Variants in LRP1B observed in about 807,000 individuals in gnomAD.
The protein encoded by LRP1B is low-density lipoprotein receptor-related protein 1B.
In LRP1B, 217 loss-of-function variants were observed where a neutral mutation model predicts 556.6. The observed-to-expected ratio is 0.39, with a 90% CI of 0.35 to 0.44. The LOEUF is 0.44. LRP1B is among the 20% of genes least tolerant of loss of function. The pLI, the probability that LRP1B is intolerant of heterozygous loss-of-function variation, is 1.00. For synonymous variants in LRP1B, 2,047 were observed against 1,865.8 expected (o/e 1.10, Z -2.50); for missense variants, 5,053 against 5,620.8 (o/e 0.90, Z 3.23).
At chr2:142,021,052 T>C (rs935980963) in intron 1 of LRP1B, among the ~76,000 whole-genome samples, 1 of 152,214 alleles carries the variant, frequency 6.6e-6, no homozygotes, top group African/African-American at 2.4e-5. Flanking sequence ...GATAATATTA[T>C]AATGCTAGCC....
chr2:140,525,360 C>A (rs926724373), intron 49 of LRP1B, among the ~76,000 whole-genome samples: 7 of 151,756 alleles, frequency 4.6e-5, no homozygotes, highest in African/African-American at 1.7e-4. Context: ...GGTTAACAGT[C>A]AGATATAAAT....
intron 2 of LRP1B, among the ~76,000 whole-genome samples, chr2:141,787,867 T>A (rs1442821394): frequency 6.6e-6 from 1 of 152,000 alleles, no homozygotes; most frequent in Admixed American, 6.6e-5. Context: ...GCCTTTCTCA[T>A]TAAAATCTTT....
chr2:140,501,628 C>A, intron 55 of LRP1B, 59 bp downstream of exon 55: 2 of 1,272,200 alleles, frequency 1.6e-6, no homozygotes, highest in Non-Finnish European at 1.1e-6. Context: ...GATTAAATAG[C>A]TTTCTTAACC....
At chr2:141,938,197 C>T (rs906523082) in intron 1 of LRP1B, among the ~76,000 whole-genome samples, 3 of 152,000 alleles carry the variant, frequency 2.0e-5, no homozygotes, top group Admixed American at 1.3e-4. Flanking sequence ...TATTTGCAAA[C>T]CATATATCTA....
intron 1 of LRP1B, among the ~76,000 whole-genome samples, chr2:141,968,036 G>C (rs1190701620): frequency 6.6e-6 from 1 of 151,816 alleles, no homozygotes; most frequent in East Asian, 1.9e-4. Context: ...CTGTCAGTCA[G>C]TGGATTATAA....
chr2:141,946,088 C>T (rs1218930669), intron 1 of LRP1B, among the ~76,000 whole-genome samples: 1 of 152,020 alleles, frequency 6.6e-6, no homozygotes, highest in Non-Finnish European at 1.5e-5. Context: ...ACTAGCCCAC[C>T]GTTGTGGCTG....
chr2:140,973,335 T>C (rs1696493193), intron 18 of LRP1B, among the ~76,000 whole-genome samples: 1 of 151,830 alleles, frequency 6.6e-6, no homozygotes, highest in Admixed American at 6.6e-5. Flanking sequence ...AATCTTTGAA[T>C]TTACACAAAA....
chr2:140,914,911 CTT>C (rs1322376720), intron 21 of LRP1B, among the ~76,000 whole-genome samples: 1 of 152,058 alleles, frequency 6.6e-6, no homozygotes, highest in African/African-American at 2.4e-5. Context: ...TCTAGGCACT[CTT>C]TGTACATTCT....
At chr2:141,052,070 T>A (rs956029153) in intron 10 of LRP1B, among the ~76,000 whole-genome samples, 9 of 151,974 alleles carry the variant, frequency 5.9e-5, no homozygotes, top group Admixed American at 4.6e-4. Context: ...TTCCAAATGG[T>A]TTTCTGTTTT....
chr2:140,585,624 T>C (rs932577148), intron 43 of LRP1B, among the ~76,000 whole-genome samples: 7 of 152,160 alleles, frequency 4.6e-5, no homozygotes, highest in Non-Finnish European at 2.9e-5. Flanking sequence ...GATCACACAG[T>C]TTTTTTGAAC....
At chr2:141,783,943 G>A (rs1232415933) in intron 2 of LRP1B, among the ~76,000 whole-genome samples, 3 of 151,684 alleles carry the variant, frequency 2.0e-5, no homozygotes, top group East Asian at 3.9e-4. Flanking sequence ...TTTCATTAAT[G>A]GGCTTGTTTA....
Position 140,850,200 on chromosome 2 carries a change from TC to T in LRP1B, c.4840del (p.Asp1614MetfsTer27). ...DIDDVTVIDFDASEERLYWTD... is the reference protein window; with the variant it reads ...DIDDVTVIDFXASEERLYWTD... ...CCAGTATAAACGTTCCTCAGATGCATCGAAGTCTATCACAGTAACGTCATCA... is the reference window on the plus strand; with the variant it reads ...CCAGTATAAACGTTCCTCAGATGCATGAAGTCTATCACAGTAACGTCATCA... On this transcript the variant is annotated frameshift_variant, in exon 29 of 91. Transcript: ENST00000389484. LOFTEE classifies it high-confidence loss of function. 6.2e-7 allele frequency: 1 copy of T among 1,613,306 alleles called. No homozygotes were observed. The highest frequency in any genetic ancestry group is 8.5e-7 in the Non-Finnish European group (1 of 1,179,322).
intron 7 of LRP1B, among the ~76,000 whole-genome samples, chr2:141,099,950 A>G (rs1274764077): frequency 6.6e-6 from 1 of 152,194 alleles, no homozygotes; most frequent in Non-Finnish European, 1.5e-5. Flanking sequence ...GGGTAATACT[A>G]TTATTCTATT....
chr2:141,174,316 C>G (rs1482114664), intron 7 of LRP1B, among the ~76,000 whole-genome samples: 1 of 152,004 alleles, frequency 6.6e-6, no homozygotes, highest in African/African-American at 2.4e-5. Context: ...GCCTATTATT[C>G]CACTCTTTGG....
intron 2 of LRP1B, among the ~76,000 whole-genome samples, chr2:141,735,659 A>G (rs1191945381): frequency 6.6e-6 from 1 of 152,112 alleles, no homozygotes; most frequent in African/African-American, 2.4e-5. Flanking sequence ...TCATATAGCA[A>G]GGTATTCAGT....
intron 18 of LRP1B, among the ~76,000 whole-genome samples, chr2:140,965,672 A>G (rs917596634): frequency 6.6e-6 from 1 of 152,130 alleles, no homozygotes; most frequent in Non-Finnish European, 1.5e-5. Context: ...CGTCATTTAC[A>G]TTAGGTATAT....
At chr2:140,759,915 A>G (rs1429813798) in intron 35 of LRP1B, among the ~76,000 whole-genome samples, 1 of 152,188 alleles carries the variant, frequency 6.6e-6, no homozygotes, top group Non-Finnish European at 1.5e-5. Context: ...CAATTTCTTG[A>G]AAGAGCTTTT....
intron 28 of LRP1B, among the ~76,000 whole-genome samples, chr2:140,850,752 G>A (rs548127471): frequency 5.4e-4 from 82 of 152,198 alleles, no homozygotes; most frequent in African/African-American, 1.8e-3. Context: ...AATTAAACAC[G>A]CTATTAGAAA....
chr2:140,401,789 C>A (rs936066443), intron 66 of LRP1B, among the ~76,000 whole-genome samples: 1 of 152,222 alleles, frequency 6.6e-6, no homozygotes, highest in Non-Finnish European at 1.5e-5. Flanking sequence ...GGTAGAATAA[C>A]ACTGTGACCA....
Sources: allele counts gnomAD v4.1 joint callset (sites outside exome capture counted in the v4.1 genomes callset), GRCh38; gene constraint gnomAD v4.1.1; transcripts MANE v1.5; gene names NCBI Gene and HGNC (gene_info 2026-07-23, HGNC 2026-07-21).